TMEM117: variants seen among roughly 807,000 people sequenced by gnomAD.
TMEM117 encodes transmembrane protein 117.
Under a neutral mutation model 52.4 loss-of-function variants are expected in TMEM117, and 27 were observed. The observed-to-expected ratio is 0.51, with a 90% CI of 0.38 to 0.71. TMEM117 has a LOEUF of 0.71. Among genes scored for constraint, TMEM117 ranks in the 30% least tolerant of loss-of-function variants. The pLI is 0.00. For synonymous variants in TMEM117, 215 were observed against 206.3 expected (o/e 1.04, Z -0.36); for missense variants, 556 against 630.5 (o/e 0.88, Z 1.26).
At chr12:44,255,994 C>A (rs1291737551) in intron 5 of TMEM117, among the ~76,000 whole-genome samples, 4 of 151,908 alleles carry the variant, frequency 2.6e-5, no homozygotes, top group Non-Finnish European at 4.4e-5. Context: ...CAGACCATTC[C>A]TCATATCCTC....
At chr12:43,900,675 G>A (rs560786775) in intron 2 of TMEM117, among the ~76,000 whole-genome samples, 6 of 150,416 alleles carry the variant, frequency 4.0e-5, no homozygotes, top group Non-Finnish European at 5.9e-5. Flanking sequence ...CTGAGATCGC[G>A]CCACTGTACT....
intron 5 of TMEM117, among the ~76,000 whole-genome samples, chr12:44,282,889 G>C (rs1950595188): frequency 6.6e-6 from 1 of 152,196 alleles, no homozygotes; most frequent in Admixed American, 6.5e-5. Flanking sequence ...TCGTGGGCTG[G>C]GCCCAGGGTC....
chr12:44,392,615 T>A (rs1321835537), downstream of TMEM117, among the ~76,000 whole-genome samples: 1 of 151,856 alleles, frequency 6.6e-6, no homozygotes, highest in Non-Finnish European at 1.5e-5. Context: ...GTTGGTGTGC[T>A]GCACCCATTA....
chr12:44,243,356 CT>C (rs984913012), intron 5 of TMEM117, among the ~76,000 whole-genome samples: 5 of 151,930 alleles, frequency 3.3e-5, no homozygotes, highest in African/African-American at 1.2e-4. Flanking sequence ...ATCTTGTATA[CT>C]TTAACAACAG....
At chr12:44,367,022 A>C (rs904493428) in intron 6 of TMEM117, among the ~76,000 whole-genome samples, 1 of 152,194 alleles carries the variant, frequency 6.6e-6, no homozygotes, top group East Asian at 1.9e-4. Flanking sequence ...GGCTTTTAAC[A>C]TTTGCCCTTG....
intron 2 of TMEM117, among the ~76,000 whole-genome samples, chr12:43,940,900 A>G (rs1291690671): frequency 1.3e-5 from 2 of 152,148 alleles, no homozygotes; most frequent in African/African-American, 4.8e-5. Context: ...GAATTTTATG[A>G]CATCTTAGTG....
chr12:44,273,361 A>T (rs1327789344), intron 5 of TMEM117, among the ~76,000 whole-genome samples: 2 of 150,804 alleles, frequency 1.3e-5, no homozygotes, highest in African/African-American at 4.9e-5. Context: ...AACTTAAAGT[A>T]TAATAAATAT....
intron 3 of TMEM117, among the ~76,000 whole-genome samples, chr12:43,976,170 TA>T (rs1363289455): frequency 6.6e-6 from 1 of 152,194 alleles, no homozygotes; most frequent in Admixed American, 6.5e-5. Context: ...GACTGGAGGC[TA>T]AATGGGAATC....
chr12:43,993,517 T>A (rs1292300784), intron 3 of TMEM117, among the ~76,000 whole-genome samples: 1 of 152,030 alleles, frequency 6.6e-6, no homozygotes, highest in African/African-American at 2.4e-5. Context: ...ACTAGACTCT[T>A]GTGTTAGGGT....
intron 2 of TMEM117, among the ~76,000 whole-genome samples, chr12:43,875,345 A>G (rs1943777743): frequency 6.6e-6 from 1 of 152,138 alleles, no homozygotes; most frequent in African/African-American, 2.4e-5. Context: ...CTGGAGATCC[A>G]GTAGCTGAAT....
chr12:43,986,123 G>T (rs1410864775), intron 3 of TMEM117, among the ~76,000 whole-genome samples: 3 of 152,066 alleles, frequency 2.0e-5, no homozygotes, highest in Non-Finnish European at 4.4e-5. Context: ...TGAAGAAAAT[G>T]ACTATGAAGT....
intron 3 of TMEM117, among the ~76,000 whole-genome samples, chr12:44,000,259 G>A (rs897121926): frequency 1.3e-5 from 2 of 152,176 alleles, no homozygotes; most frequent in Non-Finnish European, 1.5e-5. Flanking sequence ...AACCTCCCTC[G>A]AGGTTTCTCT....
the TMEM117 span, chr12:43,799,536 C>A: frequency 8.0e-7 from 1 of 1,247,764 alleles, no homozygotes; most frequent in Non-Finnish European, 1.1e-6. Context: ...ATCAGTAATT[C>A]TCTAGAAGTA....
intron 4 of TMEM117, among the ~76,000 whole-genome samples, chr12:44,149,265 A>G (rs1038405951): frequency 2.0e-5 from 3 of 152,334 alleles, no homozygotes; most frequent in Admixed American, 6.5e-5. Context: ...CCCTTGAGTC[A>G]TGTGAGCAAG....
At chr12:44,142,710 A>C (rs536765949) in intron 3 of TMEM117, among the ~76,000 whole-genome samples, 247 of 152,248 alleles carry the variant, frequency 1.6e-3, no homozygotes, top group African/African-American at 5.7e-3. Flanking sequence ...TAAAAACTAA[A>C]AGAGGGAGAG....
chr12:44,218,694 T>C lies in TMEM117; in HGVS notation c.608+7307T>C, dbSNP rs917268627. 2.0e-5 allele frequency among the ~76,000 whole-genome samples: 3 copies of C among 152,212 alleles called. No homozygotes were observed. The East Asian group carries it at 5.8e-4, about 29-fold the overall frequency. The stretch of plus-strand genomic sequence containing the variant: ...CCCAGACATAGAAAGACATTTAACC[T>C]ATCAGACATATGAGACATATTACCT... On this transcript the variant is annotated intron_variant, in intron 5 of 7. Transcript: ENST00000266534.
intron 4 of TMEM117, among the ~76,000 whole-genome samples, chr12:44,160,195 AT>A (rs1452887400): frequency 6.6e-6 from 1 of 152,146 alleles, no homozygotes; most frequent in Non-Finnish European, 1.5e-5. Flanking sequence ...GCCCTTTTAG[AT>A]CGCCAAGTCA....
chr12:44,277,761 C>CTTTTTT (rs35687259), intron 5 of TMEM117, among the ~76,000 whole-genome samples: 10 of 95,518 alleles, frequency 1.0e-4, no homozygotes, highest in Non-Finnish European at 1.5e-4. Flanking sequence ...AAACTCTGAG[C>CTTTTTT]TTTTTTTTTT....
chr12:44,167,698 G>A (rs541934225), intron 4 of TMEM117, among the ~76,000 whole-genome samples: 1 of 152,200 alleles, frequency 6.6e-6, no homozygotes, highest in East Asian at 1.9e-4. Flanking sequence ...TAGAATCAGA[G>A]GGGTTCTTGT....
Sources: gnomAD v4.1 joint callset for allele counts (sites outside exome capture counted in the v4.1 genomes callset) on GRCh38, gnomAD v4.1.1 for gene constraint, MANE v1.5 for transcripts, NCBI Gene and HGNC (gene_info 2026-07-23, HGNC 2026-07-21) for gene names.